The following RBM20 variants were observed in gnomAD, a reference collection of about 807,000 sequenced individuals.
RBM20 encodes RNA-binding protein 20.
A neutral mutation model predicts 110.1 loss-of-function variants in RBM20; 51 were observed. That is an observed-to-expected ratio of 0.46 (90% confidence interval 0.37 to 0.59). RBM20 has a LOEUF of 0.59. Among genes scored for constraint, RBM20 ranks in the 20% least tolerant of loss-of-function variants. The pLI is 0.00. For synonymous variants in RBM20, 589 were observed against 618.2 expected, an observed-to-expected ratio of 0.95 and a Z score of 0.70; for missense variants, 1,512 against 1,574.9, an observed-to-expected ratio of 0.96 and a Z score of 0.68.
rs1421456247 is a variant in RBM20, at chr10:110,682,741, A to G, written c.191+38096A>G. ...GTTAACTGTAAAGTTAAAAGCTGCT[A>G]TTTTTTCTTTGTAATTAAGAATATT... On this transcript the variant is annotated intron_variant, in intron 1 of 13. Transcript: ENST00000369519. Among the ~76,000 whole-genome samples the G allele has an allele frequency of 2.0e-5, 3 of 152,172 alleles. 1 individual carries two copies. The highest frequency in any genetic ancestry group is 4.4e-5 in the Non-Finnish European group (3 of 68,036).
intron 1 of RBM20, among the ~76,000 whole-genome samples, chr10:110,650,150 G>A (rs1333256470): frequency 2.0e-5 from 3 of 152,192 alleles, no homozygotes; most frequent in African/African-American, 4.8e-5. Flanking sequence ...GGAAGTGAAA[G>A]TGAGAAGGAC....
Position 110,812,684 on chromosome 10 carries a change from G to C in RBM20, c.2287G>C (p.Glu763Gln). Residue 763 changes from glutamate (E) to glutamine (Q), a missense_variant, in exon 9 of 14, where the codon GAG (glutamate) becomes CAG (glutamine). By Grantham distance (29) the Glu-to-Gln change is conservative. Transcript: ENST00000369519. ...CCGTGAAGACGGCTACTACCGGAAAGAGCCCAAAGCCAAGTCGGACAAGTA... is the reference window on the plus strand; with the variant it reads ...CCGTGAAGACGGCTACTACCGGAAACAGCCCAAAGCCAAGTCGGACAAGTA... The part of the protein sequence containing the change: ...KSREDGYYRK[E>Q]PKAKSDKYLK... The C allele has an allele frequency of 1.9e-6, 3 of 1,551,762 alleles. No homozygotes were observed. The highest frequency in any genetic ancestry group is 1.7e-6 in the Non-Finnish European group (2 of 1,147,018).
At chr10:110,655,134 C>T (rs1318733329) in intron 1 of RBM20, among the ~76,000 whole-genome samples, 1 of 151,876 alleles carries the variant, frequency 6.6e-6, no homozygotes, top group Admixed American at 6.6e-5. Flanking sequence ...ATATCTGTTT[C>T]CTTAATTTAT....
chr10:110,791,854 G>T (rs1173366035), intron 5 of RBM20, among the ~76,000 whole-genome samples: 1 of 152,110 alleles, frequency 6.6e-6, no homozygotes, highest in African/African-American at 2.4e-5. Flanking sequence ...CTGCAACTTA[G>T]CTCTCTTAGA....
intron 1 of RBM20, among the ~76,000 whole-genome samples, chr10:110,755,429 G>T (rs1426582480): frequency 6.6e-6 from 1 of 152,130 alleles, no homozygotes; most frequent in Non-Finnish European, 1.5e-5. Context: ...TGTTTTTATG[G>T]TTACTTACTC....
chr10:110,797,209 C>T (rs936710794), intron 5 of RBM20, among the ~76,000 whole-genome samples: 7 of 152,112 alleles, frequency 4.6e-5, no homozygotes, highest in East Asian at 1.9e-4. Flanking sequence ...GGGAGAATCA[C>T]TTGAGTCTGG....
At chr10:110,698,667 C>T (rs1862707810) in intron 1 of RBM20, among the ~76,000 whole-genome samples, 1 of 152,208 alleles carries the variant, frequency 6.6e-6, no homozygotes, top group Admixed American at 6.5e-5. Context: ...ATGGCCATTC[C>T]TTCAGCTTTA....
intron 1 of RBM20, among the ~76,000 whole-genome samples, chr10:110,667,885 G>A (rs1404764635): frequency 6.6e-6 from 1 of 152,178 alleles, no homozygotes; most frequent in Non-Finnish European, 1.5e-5. Context: ...CCCACTTTCT[G>A]GGGCTTGGGT....
intron 1 of RBM20, among the ~76,000 whole-genome samples, chr10:110,753,100 G>A (rs1286321773): frequency 2.0e-5 from 3 of 151,334 alleles, no homozygotes; most frequent in African/African-American, 4.9e-5. Context: ...CACCATACCC[G>A]GCTAATTTTT....
rs181006223 is a variant in RBM20 at position 110,684,357 on chromosome 10, G to T, written c.191+39712G>T. 9.5e-3 allele frequency among the ~76,000 whole-genome samples: 1,442 copies of T among 152,142 alleles called. 13 individuals are homozygous for T. Among genetic ancestry groups the T allele is most frequent in the Admixed American group, 0.015 (226 of 15,272 alleles). On this transcript the variant is annotated intron_variant, in intron 1 of 13. Transcript: ENST00000369519. ...TGCAGTGAGCCAAGATTGTGCCATT[G>T]CACTCCAGCCTGGGTGACAGAGTGA...
chr10:110,771,209 T>A (rs1004467050), intron 1 of RBM20, among the ~76,000 whole-genome samples: 3 of 151,914 alleles, frequency 2.0e-5, no homozygotes, highest in African/African-American at 7.3e-5. Flanking sequence ...CAGGCTGGAG[T>A]GCAGTGGTGT....
At position 110,783,401 on chromosome 10, in the gene RBM20, T is replaced by C; in HGVS notation, c.1311T>C (p.Ala437=). ...WELHVKGKLH[A]QKCLVFSENA... is the part of the protein sequence containing the mutation. ...TGCATGTGAAAGGGAAGCTGCACGCTCAGAAATGCCTGGTCTTCTCTGAAA... is the reference window on the plus strand; with the variant it reads ...TGCATGTGAAAGGGAAGCTGCACGCCCAGAAATGCCTGGTCTTCTCTGAAA... Residue 437 remains alanine, a synonymous_variant, in exon 3 of 14, where the codon GCT becomes GCC. Transcript: ENST00000369519. 1.3e-6 allele frequency: 2 copies of C among 1,551,544 alleles called. No individual in the cohort carries two copies. The highest frequency in any genetic ancestry group is 2.4e-5 in the East Asian group (1 of 40,916).
At chr10:110,659,770 TTCCTCTTCCTCC>T (rs1249283651) in intron 1 of RBM20, among the ~76,000 whole-genome samples, 1 of 151,494 alleles carries the variant, frequency 6.6e-6, no homozygotes, top group Non-Finnish European at 1.5e-5. Context: ...CTTCCTCTTC[TTCCTCTTCCTCC>T]TCCTCTTCCT....
chr10:110,655,334 T>A (rs192882531), intron 1 of RBM20, among the ~76,000 whole-genome samples: 1 of 144,272 alleles, frequency 6.9e-6, no homozygotes, highest in Admixed American at 7.4e-5. Context: ...GAAATCTATA[T>A]CCCAATTTAA....
chr10:110,664,720 C>T (rs1171161838), intron 1 of RBM20, among the ~76,000 whole-genome samples: 1 of 151,850 alleles, frequency 6.6e-6, no homozygotes, highest in Non-Finnish European at 1.5e-5. Flanking sequence ...GCACTTTAGC[C>T]TGGGCAACAG....
intron 1 of RBM20, among the ~76,000 whole-genome samples, chr10:110,777,359 C>G (rs1268934231): frequency 6.6e-6 from 1 of 152,184 alleles, no homozygotes; most frequent in Non-Finnish European, 1.5e-5. Context: ...ATGATCACTA[C>G]TATATGCACC....
chr10:110,835,949 G>A lies in RBM20; in HGVS notation c.3655G>A (p.Val1219Met), dbSNP rs374875207. ...DSPRPEDSGI[V>M]PRFERKKL The stretch of plus-strand genomic sequence containing the variant: ...CCCGAGGCCAGAGGACAGCGGAATC[G>A]TGCCACGCTTCGAAAGGAAAAAGCT... The change falls in exon 14 of 14, where the codon GTG (valine) becomes ATG (methionine). Residue 1219 changes from valine to methionine, a missense_variant. Physicochemically the swap from Val to Met is conservative, Grantham distance 21. Transcript: ENST00000369519. The A allele has an allele frequency of 1.4e-5, 19 of 1,364,656 alleles. No homozygotes were observed. In the East Asian group the frequency reaches 2.0e-4, roughly 15 times the overall value. 84.5% of individuals were successfully genotyped at this position (1,364,656 alleles called of 1,614,324 possible). A position where few individuals can be genotyped will look rare whatever the true frequency, so the allele number is the denominator to read the frequency against.
At chr10:110,698,388 G>T (rs1348124013) in intron 1 of RBM20, among the ~76,000 whole-genome samples, 2 of 152,216 alleles carry the variant, frequency 1.3e-5, no homozygotes, top group African/African-American at 4.8e-5. Flanking sequence ...CGGCCCCTGG[G>T]GAGGCCAGAA....
chr10:110,658,212 A>T (rs1319992405), intron 1 of RBM20, among the ~76,000 whole-genome samples: 1 of 152,166 alleles, frequency 6.6e-6, no homozygotes. Flanking sequence ...CAGAAAGGAG[A>T]CTGGATTTAC....
Sources: gnomAD v4.1 joint callset for allele counts (sites outside exome capture counted in the v4.1 genomes callset) on GRCh38, gnomAD v4.1.1 for gene constraint, MANE v1.5 for transcripts, NCBI Gene and HGNC (gene_info 2026-07-23, HGNC 2026-07-21) for gene names.